The following CLCA2 variants were observed in gnomAD, a reference collection of about 807,000 sequenced individuals.
CLCA2 encodes the protein calcium-activated chloride channel regulator 2.
A neutral mutation model predicts 82.9 loss-of-function variants in CLCA2; 85 were observed. The observed-to-expected ratio is 1.03, with a 90% CI of 0.86 to 1.23. The LOEUF (loss-of-function observed/expected upper bound fraction) is 1.23, where lower values mean the gene tolerates loss of function less well. Among genes scored for constraint, CLCA2 ranks in the 50% most tolerant of loss-of-function variants. The pLI, the probability that CLCA2 is intolerant of heterozygous loss-of-function variation, is 0.00. For synonymous variants in CLCA2, 421 were observed against 391.7 expected (o/e 1.07, Z -0.88); for missense variants, 1,089 against 1,124.8 (o/e 0.97, Z 0.45).
intron 2 of CLCA2, among the ~76,000 whole-genome samples, chr1:86,425,832 A>C (rs977352535): frequency 2.0e-5 from 3 of 152,194 alleles, no homozygotes; most frequent in African/African-American, 7.2e-5. Flanking sequence ...CCCATTTACC[A>C]TCCTGTCAGG....
Position 86,440,327 on chromosome 1 carries a change from T to A in CLCA2, c.1381+2T>A. ...TGGAGGAATTATCACGTCTTACAGG[T>A]AATAAACTTTTAAAAACTTATCTTT... On this transcript the variant is annotated splice_donor_variant, in intron 8 of 13. Transcript: ENST00000370565. LOFTEE classifies it high-confidence loss of function. 6.2e-7 allele frequency: 1 copy of A among 1,610,692 alleles called. No individual in the cohort carries two copies. The highest frequency in any genetic ancestry group is 8.5e-7 in the Non-Finnish European group (1 of 1,178,668).
chr1:86,429,501 T>C (rs34851039), intron 3 of CLCA2, among the ~76,000 whole-genome samples: 5,583 of 152,200 alleles, frequency 0.037, 153 homozygotes, highest in African/African-American at 0.071. Flanking sequence ...GGCAAATTCA[T>C]TGTGAAGAGC....
In CLCA2 at chr1:86,430,984, T is replaced by A. The variant is rs1662487262; in HGVS notation, c.584+14T>A. The A allele has an allele frequency of 6.5e-7, 1 of 1,545,744 alleles. No individual in the cohort carries two copies. Among genetic ancestry groups the A allele is most frequent in the Non-Finnish European group, 8.9e-7 (1 of 1,122,666 alleles). On this transcript the variant is annotated intron_variant, in intron 4 of 13. Coordinates refer to ENST00000370565, the MANE Select transcript of CLCA2 (RefSeq NM_006536.7). ...TAAAGTGACAAGGTTAGTACTTTTT[T>A]TCATGTTATAATTCATTATTTATTT...
chr1:86,439,261 C>T (rs1662676360), intron 7 of CLCA2, among the ~76,000 whole-genome samples, 155 bp downstream of exon 7: 1 of 152,188 alleles, frequency 6.6e-6, no homozygotes, highest in Admixed American at 6.5e-5. Context: ...AGTCAGGAAC[C>T]ATGCCTTATT....
chr1:86,444,944 G>A (rs993988500), intron 10 of CLCA2, among the ~76,000 whole-genome samples: 10 of 151,666 alleles, frequency 6.6e-5, no homozygotes, highest in East Asian at 5.8e-4. Flanking sequence ...TCACCCAGGC[G>A]GGAGTGCAGT....
chr1:86,428,836 C>G (rs139244298), intron 3 of CLCA2, among the ~76,000 whole-genome samples: 2 of 152,196 alleles, frequency 1.3e-5, no homozygotes, highest in African/African-American at 4.8e-5. Flanking sequence ...GAAATGTCCT[C>G]ACAAAGGAAA....
chr1:86,440,744 T>G (rs555998965), intron 8 of CLCA2, among the ~76,000 whole-genome samples: 1 of 152,044 alleles, frequency 6.6e-6, no homozygotes, highest in East Asian at 1.9e-4. Flanking sequence ...CTACTAAAAA[T>G]ACAAAAATTA....
intron 10 of CLCA2, 81 bp downstream of exon 10, chr1:86,444,092 T>C (rs1261309779): frequency 3.4e-6 from 3 of 886,238 alleles, no homozygotes; most frequent in Admixed American, 4.6e-5. Flanking sequence ...TTAAATGCAT[T>C]GTGTAAAGAA....
chr1:86,453,637 A>T, intron 13 of CLCA2, 35 bp downstream of exon 13: 1 of 1,561,632 alleles, frequency 6.4e-7, no homozygotes, highest in Non-Finnish European at 8.8e-7. Context: ...ATTTTTCCAT[A>T]AGACAGCATT....
intron 6 of CLCA2, among the ~76,000 whole-genome samples, chr1:86,437,471 A>G (rs562251045): frequency 1.3e-5 from 2 of 152,200 alleles, no homozygotes; most frequent in Admixed American, 6.5e-5. Context: ...TTGGAGTTCA[A>G]TCTTGAAGGA....
At position 86,455,289 on chromosome 1, in the gene CLCA2, CA is replaced by C; in HGVS notation, c.2596del (p.Ile866TyrfsTer38). Reference protein sequence around the residue: ...ETHESHRIYVAIRAMDRNSLQ... With the variant: ...ETHESHRIYVXIRAMDRNSLQ... ...CATGAAAGCCACAGAATTTATGTTG[CA>C]ATACGAGCAATGGATAGGAACTCCT... On this transcript the variant is annotated frameshift_variant, in exon 14 of 14. Coordinates refer to ENST00000370565, the MANE Select transcript of CLCA2 (RefSeq NM_006536.7). LOFTEE classifies it low-confidence loss of function (END_TRUNC). 6.2e-7 allele frequency: 1 copy of C among 1,614,062 alleles called. No individual in the cohort carries two copies. The highest frequency in any genetic ancestry group is 8.5e-7 in the Non-Finnish European group (1 of 1,179,994).
At chr1:86,432,020 C>T (rs1662510477) in intron 4 of CLCA2, among the ~76,000 whole-genome samples, 1 of 152,204 alleles carries the variant, frequency 6.6e-6, no homozygotes, top group African/African-American at 2.4e-5. Flanking sequence ...ACTGAAACTT[C>T]TGCCACCTGG....
chr1:86,440,203 G>T lies in CLCA2; in HGVS notation c.1259G>T (p.Ser420Ile), dbSNP rs1023184191. The T allele has an allele frequency of 6.2e-7, 1 of 1,614,022 alleles. No homozygotes were observed. Among genetic ancestry groups the T allele is most frequent in the Non-Finnish European group, 8.5e-7 (1 of 1,180,010 alleles). The part of the protein sequence containing the change: ...AYGSVMILVT[S>I]GDDKLLGNCL... ...GGCTCTGTGATGATATTAGTGACCA[G>T]CGGAGATGATAAGCTTCTTGGCAAT... The change falls in exon 8 of 14, where the codon AGC (serine) becomes ATC (isoleucine). Residue 420 changes from serine (S) to isoleucine (I), a missense_variant. Ser to Ile is a moderately radical substitution (Grantham distance 142). Coordinates refer to ENST00000370565, the MANE Select transcript of CLCA2 (RefSeq NM_006536.7).
At chr1:86,439,199 C>T in intron 7 of CLCA2, 93 bp downstream of exon 7, 2 of 1,156,382 alleles carry the variant, frequency 1.7e-6, no homozygotes, top group Non-Finnish European at 2.5e-6. Flanking sequence ...CAGTTTGTTA[C>T]AGGGTGGTCA....
At position 86,431,023 on chromosome 1, in the gene CLCA2, C is replaced by T; in HGVS notation, c.584+53C>T. 3.9e-6 allele frequency: 5 copies of T among 1,282,228 alleles called. No homozygotes were observed. In the Admixed American group the frequency reaches 6.2e-5, roughly 16 times the overall value. The allele number at this position is 1,282,228 out of a possible 1,614,324, so 79.4% of individuals were successfully genotyped here. On this transcript the variant is annotated intron_variant, in intron 4 of 13. Coordinates refer to ENST00000370565, the MANE Select transcript of CLCA2 (RefSeq NM_006536.7). ...CATTATTTATTTGACTCTAAAATTG[C>T]TTATAACTTAAGCAATTAAATAATT...
At chr1:86,440,393 A>G (rs1323875119) in intron 8 of CLCA2, 68 bp downstream of exon 8, 29 of 1,324,398 alleles carry the variant, frequency 2.2e-5, no homozygotes, top group Non-Finnish European at 2.9e-5. Flanking sequence ...AGACACAACT[A>G]TGAAACTCAT....
At chr1:86,439,130 T>G in intron 7 of CLCA2, 24 bp downstream of exon 7, 3 of 1,598,698 alleles carry the variant, frequency 1.9e-6, no homozygotes, top group Non-Finnish European at 2.6e-6. Flanking sequence ...TCCTAAGCCT[T>G]GGATCACCAT....
chr1:86,452,332 G>C (rs956730543), intron 12 of CLCA2, among the ~76,000 whole-genome samples: 1 of 151,844 alleles, frequency 6.6e-6, no homozygotes, highest in African/African-American at 2.4e-5. Context: ...CCCATCCCAA[G>C]CTGCTATCTT....
intron 4 of CLCA2, 77 bp downstream of exon 4, chr1:86,431,047 T>C (rs1662489380): frequency 3.0e-6 from 3 of 1,007,650 alleles, no homozygotes; most frequent in Non-Finnish European, 4.4e-6. Flanking sequence ...AATTAAATAA[T>C]TGCCTAATTT....
Sources: allele counts gnomAD v4.1 joint callset (sites outside exome capture counted in the v4.1 genomes callset), GRCh38; gene constraint gnomAD v4.1.1; transcripts MANE v1.5; gene names NCBI Gene and HGNC (gene_info 2026-07-23, HGNC 2026-07-21).